Variants in SMIM35 observed in about 807,000 individuals in gnomAD.
The protein encoded by SMIM35 is small integral membrane protein 35.
Position 118,077,107 on chromosome 11 carries a change from G to T in SMIM35, c.7+9644C>A, listed in dbSNP as rs1360131114. On this transcript the variant is annotated intron_variant, in intron 1 of 4. Transcript: ENST00000689828. ...CTGGAATACACAGAGAGAGGCAGCA[G>T]CTTGCTCAGCGGACAAGGATGCTGG... The T allele has an allele frequency of 2.6e-5, 15 of 566,136 alleles. No homozygotes were observed. In the South Asian group the frequency reaches 3.3e-4, roughly 12 times the overall value. 35.1% of individuals were successfully genotyped at this position (566,136 alleles called of 1,614,324 possible).
Position 118,050,996 on chromosome 11 carries a change from C to G in SMIM35, c.8-35187G>C, listed in dbSNP as rs551719923. On this transcript the variant is annotated intron_variant, in intron 1 of 4. Coordinates refer to ENST00000689828, the MANE Select transcript of SMIM35 (RefSeq NM_001394165.1). ...TCATTCCATTCCCCTATTTCTGATT[C>G]TCATCCTTTAGTAAAGCAGGAGAGA... Among the ~76,000 whole-genome samples, 27 of 152,290 alleles carry G rather than the reference C, an allele frequency of 1.8e-4. 2 individuals are homozygous for G. The South Asian group carries it at 5.4e-3, about 30-fold the overall frequency.
chr11:118,028,718 G>C (rs2058293807), intron 1 of SMIM35: 1 of 380,714 alleles, frequency 2.6e-6, no homozygotes, highest in African/African-American at 2.1e-5. Context: ...AACAAAGTAA[G>C]GTCAAGGGGT....
intron 1 of SMIM35, among the ~76,000 whole-genome samples, chr11:118,057,386 T>C (rs1001639725): frequency 8.6e-5 from 13 of 151,878 alleles, no homozygotes; most frequent in African/African-American, 2.7e-4. Flanking sequence ...GATGAGAGCA[T>C]TGGGGGAGGG....
chr11:118,052,572 AC>A (rs963316267), intron 1 of SMIM35, among the ~76,000 whole-genome samples: 9 of 151,978 alleles, frequency 5.9e-5, no homozygotes, highest in African/African-American at 2.2e-4. Flanking sequence ...CCCCCACAGA[AC>A]CTGAGTCTGC....
At chr11:118,016,585 G>C (rs1293084251) in intron 1 of SMIM35, among the ~76,000 whole-genome samples, 1 of 152,160 alleles carries the variant, frequency 6.6e-6, no homozygotes, top group Non-Finnish European at 1.5e-5. Flanking sequence ...AGGCTCCAGG[G>C]ATACTGCCAA....
chr11:118,036,334 T>C (rs2058359260), intron 1 of SMIM35, among the ~76,000 whole-genome samples: 1 of 152,240 alleles, frequency 6.6e-6, no homozygotes, highest in Non-Finnish European at 1.5e-5. Flanking sequence ...GTCTGACACT[T>C]GGTGAGTTTT....
At chr11:118,072,130 G>A (rs1944580902) in intron 1 of SMIM35, among the ~76,000 whole-genome samples, 1 of 152,196 alleles carries the variant, frequency 6.6e-6, no homozygotes, top group South Asian at 2.1e-4. Context: ...ATGGGTGGAT[G>A]GATGGCCAGG....
rs1278331091 is a variant in SMIM35, at chr11:118,006,200, G to A, written c.*210C>T. On this transcript the variant is annotated 3_prime_UTR_variant, in exon 5 of 5. Coordinates refer to ENST00000689828, the MANE Select transcript of SMIM35 (RefSeq NM_001394165.1). ...CAGCTCCAGGGACACCCCGCACATG[G>A]TATGCTATAATATGCGAATGGCCGG... is the stretch of plus-strand genomic sequence containing the variant. 1.3e-5 allele frequency: 2 copies of A among 152,234 alleles called. No homozygotes were observed. The highest frequency in any genetic ancestry group is 2.9e-5 in the Non-Finnish European group (2 of 68,066). The allele number at this position is 152,234 out of a possible 1,614,324, so 9.4% of individuals were successfully genotyped here. A position where few individuals can be genotyped will look rare whatever the true frequency, so the allele number is the denominator to read the frequency against.
At position 118,031,025 on chromosome 11, in the gene SMIM35, C is replaced by T. The variant is rs148437736; in HGVS notation, c.8-15216G>A. Among the ~76,000 whole-genome samples, 126 of 151,896 alleles carry T rather than the reference C, an allele frequency of 8.3e-4. 1 individual carries two copies. The East Asian group carries it at 0.02, about 25-fold the overall frequency. On this transcript the variant is annotated intron_variant, in intron 1 of 4. Transcript: ENST00000689828. ...GATACTGATCAATCAATATCAATAT[C>T]GATGTTGATTACATACAAAGGATTA...
At chr11:118,084,934 C>A (rs896408334) in intron 1 of SMIM35, among the ~76,000 whole-genome samples, 65 of 152,166 alleles carry the variant, frequency 4.3e-4, no homozygotes, top group African/African-American at 1.5e-3. Context: ...GGGACAACCC[C>A]CTTCTGATCA....
intron 1 of SMIM35, among the ~76,000 whole-genome samples, chr11:118,024,269 C>T (rs577890298): frequency 4.5e-4 from 68 of 152,198 alleles, no homozygotes; most frequent in African/African-American, 1.4e-3. Flanking sequence ...TTTTTTATTA[C>T]ATCAAGGAAG....
At chr11:118,072,381 C>T (rs180763586) in intron 1 of SMIM35, among the ~76,000 whole-genome samples, 92 of 152,216 alleles carry the variant, frequency 6.0e-4, no homozygotes, top group African/African-American at 2.0e-3. Context: ...CCAGCTACTC[C>T]GGAGGCTGAG....
rs2058113348 is a variant in SMIM35 at position 118,004,778 on chromosome 11, T to G, written c.*1632A>C. ...CTCATCGAGTCACAGGAGCCACGGC[T>G]GTGTTTGGCATCTGTCTTGCAGAGC... On this transcript the variant is annotated 3_prime_UTR_variant, in exon 5 of 5. Coordinates refer to ENST00000689828, the MANE Select transcript of SMIM35 (RefSeq NM_001394165.1). The G allele has an allele frequency of 6.6e-6, 1 of 152,200 alleles. No homozygotes were observed. The highest frequency in any genetic ancestry group is 1.5e-5 in the Non-Finnish European group (1 of 68,024). The allele number at this position is 152,200 out of a possible 1,614,324, so 9.4% of individuals were successfully genotyped here.
At chr11:118,024,159 C>T (rs922464259) in intron 1 of SMIM35, among the ~76,000 whole-genome samples, 1 of 152,076 alleles carries the variant, frequency 6.6e-6, no homozygotes, top group Admixed American at 6.6e-5. Flanking sequence ...ATATGGCCAA[C>T]AATTTTCCAA....
chr11:118,047,146 G>C (rs1944110108), intron 1 of SMIM35, among the ~76,000 whole-genome samples: 1 of 152,194 alleles, frequency 6.6e-6, no homozygotes, highest in South Asian at 2.1e-4. Context: ...GTGACCTTGG[G>C]AGAAATGACA....
intron 1 of SMIM35, among the ~76,000 whole-genome samples, chr11:118,038,692 C>CA (rs548166521): frequency 7.0e-4 from 95 of 136,432 alleles, no homozygotes; most frequent in African/African-American, 2.3e-3. Context: ...TAACAGAAAG[C>CA]AAAAAAACAA....
chr11:118,019,374 G>A lies in SMIM35; in HGVS notation c.8-3565C>T, dbSNP rs999226736. On this transcript the variant is annotated intron_variant, in intron 1 of 4. Transcript: ENST00000689828. ...GGCTTATTGCCTGGGTGAGTTCCCC[G>A]AGTTCCAGCACAGGAGGGAAAACCC... Among the ~76,000 whole-genome samples, 8 of 152,108 alleles carry A rather than the reference G, an allele frequency of 5.3e-5. No individual in the cohort carries two copies. In the East Asian group the frequency reaches 1.2e-3, roughly 22 times the overall value.
At position 118,071,084 on chromosome 11, in the gene SMIM35, G is replaced by A. The variant is rs563697104; in HGVS notation, c.7+15667C>T. ...GCAAAAGAGCCTGGCACATGGGAGCGCACATTATATGGTAGCTATTTCCTT... is the reference window on the plus strand; with the variant it reads ...GCAAAAGAGCCTGGCACATGGGAGCACACATTATATGGTAGCTATTTCCTT... On this transcript the variant is annotated intron_variant, in intron 1 of 4. Coordinates refer to ENST00000689828, the MANE Select transcript of SMIM35 (RefSeq NM_001394165.1). Among the ~76,000 whole-genome samples the A allele has an allele frequency of 1.2e-4, 19 of 152,324 alleles. 1 individual carries two copies. In the South Asian group the frequency reaches 2.3e-3, roughly 18 times the overall value.
chr11:118,083,492 C>T (rs1945314376), intron 1 of SMIM35, among the ~76,000 whole-genome samples: 1 of 152,190 alleles, frequency 6.6e-6, no homozygotes, highest in African/African-American at 2.4e-5. Context: ...TCGCTCTTTG[C>T]TCAGTTCCTA....
Sources: gnomAD v4.1 joint callset for allele counts (sites outside exome capture counted in the v4.1 genomes callset) on GRCh38, gnomAD v4.1.1 for gene constraint, MANE v1.5 for transcripts, NCBI Gene and HGNC (gene_info 2026-07-23, HGNC 2026-07-21) for gene names.